The following DNAJC13 variants were observed in gnomAD, a reference collection of about 807,000 sequenced individuals.
The protein encoded by DNAJC13 is dnaJ homolog subfamily C member 13.
In DNAJC13, 75 loss-of-function variants were observed where a neutral mutation model predicts 290.5. The ratio of observed to expected loss-of-function variants is 0.26; its 90% CI spans 0.21 to 0.31. DNAJC13 has a LOEUF of 0.31. Among genes scored for constraint, DNAJC13 ranks in the 10% least tolerant of loss-of-function variants. The pLI is 1.00. For synonymous variants in DNAJC13, 862 were observed against 892.0 expected, an observed-to-expected ratio of 0.97 and a Z score of 0.60; for missense variants, 2,260 against 2,674.5, an observed-to-expected ratio of 0.85 and a Z score of 3.42.
intron 9 of DNAJC13, among the ~76,000 whole-genome samples, chr3:132,454,906 G>A (rs1413644831): frequency 6.6e-6 from 1 of 152,086 alleles, no homozygotes; most frequent in Non-Finnish European, 1.5e-5. Context: ...TAGGAAGAAG[G>A]TCCTCTTATT....
At chr3:132,442,967 T>A (rs1275616752) in intron 2 of DNAJC13, among the ~76,000 whole-genome samples, 3 of 152,202 alleles carry the variant, frequency 2.0e-5, no homozygotes, top group Non-Finnish European at 4.4e-5. Flanking sequence ...GGTCATAGAT[T>A]TGTATGTTGA....
intron 2 of DNAJC13, among the ~76,000 whole-genome samples, chr3:132,439,914 C>T (rs949593636): frequency 1.2e-4 from 19 of 152,226 alleles, no homozygotes; most frequent in African/African-American, 3.9e-4. Context: ...ACCAGATGAA[C>T]GATCAGTTTG....
chr3:132,512,523 A>G (rs1443269940), intron 44 of DNAJC13, among the ~76,000 whole-genome samples: 2 of 152,160 alleles, frequency 1.3e-5, no homozygotes, highest in African/African-American at 2.4e-5. Context: ...TGGAAATACC[A>G]TTTCATTTTA....
intron 26 of DNAJC13, 110 bp downstream of exon 26, chr3:132,480,580 G>A: frequency 1.3e-6 from 1 of 745,396 alleles, no homozygotes; most frequent in Non-Finnish European, 2.2e-6. Context: ...TATTTTTCCA[G>A]TAATTACAGT....
chr3:132,509,848 C>T (rs1258528203), intron 43 of DNAJC13, among the ~76,000 whole-genome samples: 1 of 152,034 alleles, frequency 6.6e-6, no homozygotes, highest in Non-Finnish European at 1.5e-5. Flanking sequence ...ACTTAATAGA[C>T]CACAGTATAA....
At chr3:132,532,901 C>A (rs927179700) in intron 55 of DNAJC13, among the ~76,000 whole-genome samples, 2 of 70,192 alleles carry the variant, frequency 2.8e-5, no homozygotes, top group Non-Finnish European at 4.9e-5. Flanking sequence ...CCACACCCAG[C>A]TAATTTTTGT....
chr3:132,528,309 C>T lies in DNAJC13; in HGVS notation c.6502C>T (p.Arg2168Ter). ...QIVKALKAMTRSLQYGEQVNE... is the reference protein window; with the variant it reads ...QIVKALKAMT ...TGTTAAAGCTCTCAAGGCAATGACT[C>T]GAAGTTTGCAGTATGGAGAACAGGT... The change falls in exon 54 of 56, where the codon CGA becomes TGA. Residue 2168 changes from arginine (R) to a stop codon, truncating the protein, a stop_gained. Coordinates refer to ENST00000260818, the MANE Select transcript of DNAJC13 (RefSeq NM_015268.4). LOFTEE classifies it high-confidence loss of function. The T allele has an allele frequency of 2.5e-6, 4 of 1,614,144 alleles. No individual in the cohort carries two copies. Among genetic ancestry groups the T allele is most frequent in the Non-Finnish European group, 3.4e-6 (4 of 1,180,006 alleles).
intron 44 of DNAJC13, 73 bp downstream of exon 44, chr3:132,511,317 A>G: frequency 6.5e-7 from 1 of 1,534,548 alleles, no homozygotes; most frequent in South Asian, 1.2e-5. Context: ...AATCAATTTT[A>G]TCAGGGAAAC....
rs1004733021 is a variant in DNAJC13 at position 132,500,794 on chromosome 3, G to C, written c.4417G>C (p.Val1473Leu). ...ASKPSDMSVQ[V>L]CGYISKCYSV... ...TTTTGCTCTGTTGTGTTGTCTGCAGGTGTGTGGATACATAAGTAAATGCTA... is the reference window on the plus strand; with the variant it reads ...TTTTGCTCTGTTGTGTTGTCTGCAGCTGTGTGGATACATAAGTAAATGCTA... Residue 1473 changes from valine to leucine, a missense_variant and splice_region_variant, in exon 39 of 56, where the codon GTG becomes CTG. Physicochemically the swap from Val to Leu is conservative, Grantham distance 32. Around this residue, in one of 3 missense-constraint regions of DNAJC13, gnomAD observed 1,494 missense variants for 1,693.7 expected, o/e 0.88. Transcript: ENST00000260818. 1.2e-6 allele frequency: 2 copies of C among 1,613,828 alleles called. No individual in the cohort carries two copies. Among genetic ancestry groups the C allele is most frequent in the Non-Finnish European group, 1.7e-6 (2 of 1,179,828 alleles).
intron 30 of DNAJC13, 106 bp from the exon 31 acceptor site, chr3:132,488,870 A>G (rs1934970310): frequency 1.3e-6 from 1 of 779,938 alleles, no homozygotes; most frequent in South Asian, 1.7e-5. Flanking sequence ...GTGAGTTGCC[A>G]TTTGTGAGTT....
At chr3:132,512,216 A>G (rs1486858913) in intron 44 of DNAJC13, among the ~76,000 whole-genome samples, 1 of 152,200 alleles carries the variant, frequency 6.6e-6, no homozygotes, top group Non-Finnish European at 1.5e-5. Context: ...CCTTCTGATA[A>G]TATCCATCAA....
chr3:132,431,735 C>T (rs1489369158), intron 1 of DNAJC13, among the ~76,000 whole-genome samples: 2 of 152,130 alleles, frequency 1.3e-5, no homozygotes, highest in African/African-American at 2.4e-5. Flanking sequence ...GTAGAAACAA[C>T]ACCCGTGTCC....
chr3:132,523,516 C>A, intron 50 of DNAJC13, 24 bp from the exon 51 acceptor site: 1 of 1,603,100 alleles, frequency 6.2e-7, no homozygotes, highest in South Asian at 1.1e-5. Flanking sequence ...AGTGACTTGA[C>A]TGTGGTTCTT....
chr3:132,462,234 A>G (rs1933822535), intron 15 of DNAJC13, among the ~76,000 whole-genome samples: 1 of 152,114 alleles, frequency 6.6e-6, no homozygotes, highest in Non-Finnish European at 1.5e-5. Context: ...ATTCAAATAG[A>G]TGCCTTCTGT....
At chr3:132,524,029 C>T (rs1936175345) in intron 51 of DNAJC13, 2 of 211,398 alleles carry the variant, frequency 9.5e-6, no homozygotes, top group South Asian at 1.1e-4. Flanking sequence ...AAGGAGAAAC[C>T]TGTGTGTTCG....
chr3:132,454,940 A>C (rs1336599097), intron 9 of DNAJC13, among the ~76,000 whole-genome samples: 1 of 152,232 alleles, frequency 6.6e-6, no homozygotes, highest in Non-Finnish European at 1.5e-5. Context: ...ACATGCAGAA[A>C]GTAAAGCAAC....
intron 24 of DNAJC13, among the ~76,000 whole-genome samples, chr3:132,478,968 T>C (rs186781293): frequency 7.2e-5 from 11 of 152,324 alleles, no homozygotes; most frequent in African/African-American, 2.2e-4. Context: ...TTTTTACTTA[T>C]CTCCTTAAAG....
At chr3:132,452,685 G>A (rs1163997491) in intron 6 of DNAJC13, among the ~76,000 whole-genome samples, 1 of 152,186 alleles carries the variant, frequency 6.6e-6, no homozygotes, top group African/African-American at 2.4e-5. Context: ...TCAGATTTGG[G>A]ATGCTCAACT....
intron 2 of DNAJC13, among the ~76,000 whole-genome samples, chr3:132,444,041 G>A (rs1933164253): frequency 6.6e-6 from 1 of 152,190 alleles, no homozygotes; most frequent in South Asian, 2.1e-4. Flanking sequence ...CCAAGCCCAG[G>A]TTTTTGGCCT....
Sources: gnomAD v4.1 joint callset for allele counts (sites outside exome capture counted in the v4.1 genomes callset) on GRCh38, gnomAD v4.1.1 for gene constraint, gnomAD v4.1.1 regional missense constraint, MANE v1.5 for transcripts, NCBI Gene and HGNC (gene_info 2026-07-23, HGNC 2026-07-21) for gene names.